The following GPC6 variants were observed in gnomAD, a reference collection of about 807,000 sequenced individuals.
The protein encoded by GPC6 is glypican 6, also known as glypican-6.
GPC6 carries 14 observed loss-of-function variants against 55.2 expected under a neutral mutation model. The observed-to-expected ratio is 0.25, with a 90% CI of 0.17 to 0.40. The LOEUF (loss-of-function observed/expected upper bound fraction) is 0.40. GPC6 is among the 10% of genes least tolerant of loss of function. The pLI is 1.00. For missense variants in GPC6, 641 were observed against 708.5 expected, an observed-to-expected ratio of 0.90 and a Z score of 1.08; for synonymous variants, 278 against 259.6, an observed-to-expected ratio of 1.07 and a Z score of -0.68.
chr13:93,527,402 T>G (rs140053284), intron 1 of GPC6, among the ~76,000 whole-genome samples: 1 of 152,230 alleles, frequency 6.6e-6, no homozygotes, highest in African/African-American at 2.4e-5. Flanking sequence ...TTTAGAGATA[T>G]GGGGTATGTG....
intron 1 of GPC6, among the ~76,000 whole-genome samples, chr13:93,543,620 T>A (rs1012482883): frequency 3.9e-5 from 6 of 152,152 alleles, no homozygotes. Context: ...TCCTTGTACC[T>A]CTGGTAGAAT....
chr13:94,046,396 CCTCACTATTGAACTTGAG>C (rs1883734278), intron 4 of GPC6, among the ~76,000 whole-genome samples: 1 of 152,000 alleles, frequency 6.6e-6, no homozygotes, highest in Non-Finnish European at 1.5e-5. Flanking sequence ...TACAAGAAGA[CCTCACTATTGAACTTGAG>C]CTCACTATTG....
chr13:93,430,554 G>A (rs1413362651), intron 1 of GPC6, among the ~76,000 whole-genome samples: 1 of 152,118 alleles, frequency 6.6e-6, no homozygotes. Context: ...AGATAAGGCA[G>A]ATTGAACAAC....
chr13:93,578,502 C>A (rs2139484932), intron 2 of GPC6, among the ~76,000 whole-genome samples: 1 of 151,948 alleles, frequency 6.6e-6, no homozygotes, highest in Non-Finnish European at 1.5e-5. Flanking sequence ...ATAGTAGTCT[C>A]TAATGATTCT....
intron 3 of GPC6, among the ~76,000 whole-genome samples, chr13:94,011,371 A>G (rs376179249): frequency 6.6e-6 from 1 of 152,198 alleles, no homozygotes; most frequent in Non-Finnish European, 1.5e-5. Flanking sequence ...TGGGGAAACT[A>G]TATTTTATGT....
intron 4 of GPC6, among the ~76,000 whole-genome samples, chr13:94,062,070 T>C (rs1370559343): frequency 1.3e-5 from 2 of 152,164 alleles, no homozygotes; most frequent in African/African-American, 4.8e-5. Flanking sequence ...TGAAATTTAG[T>C]GTCACTCATG....
chr13:94,305,741 A>C (rs1875909007), intron 5 of GPC6, among the ~76,000 whole-genome samples: 1 of 152,252 alleles, frequency 6.6e-6, no homozygotes, highest in African/African-American at 2.4e-5. Context: ...ACCAATAATA[A>C]GATTGACTGT....
intron 3 of GPC6, among the ~76,000 whole-genome samples, chr13:93,887,683 C>A (rs1156833718): frequency 6.6e-6 from 1 of 152,038 alleles, no homozygotes. Flanking sequence ...GAATTAGTGA[C>A]TTCGTGCCAT....
chr13:94,151,396 T>C (rs927093131), intron 4 of GPC6, among the ~76,000 whole-genome samples: 1 of 152,152 alleles, frequency 6.6e-6, no homozygotes, highest in Non-Finnish European at 1.5e-5. Flanking sequence ...CTGTCCCCCT[T>C]GACACTACAC....
At chr13:93,880,999 A>T (rs1874933818) in intron 3 of GPC6, among the ~76,000 whole-genome samples, 1 of 152,102 alleles carries the variant, frequency 6.6e-6, no homozygotes, top group South Asian at 2.1e-4. Flanking sequence ...CTAACCCCGT[A>T]TTCTTTTCAA....
chr13:94,133,380 G>A (rs764332668), intron 4 of GPC6, among the ~76,000 whole-genome samples: 3 of 147,154 alleles, frequency 2.0e-5, no homozygotes, highest in Admixed American at 1.4e-4. Flanking sequence ...ATTATAAAAA[G>A]TACAGCCACA....
In GPC6 at chr13:94,373,588, T is replaced by C. The variant is rs1001883161; in HGVS notation, c.1153-8826T>C. Among the ~76,000 whole-genome samples, 11 of 152,112 alleles carry C rather than the reference T, an allele frequency of 7.2e-5. 1 individual carries two copies. Among genetic ancestry groups the C allele is most frequent in the African/African-American group, 2.2e-4 (9 of 41,440 alleles). ...GTGAAAAGACCAAATCTACGTCTGA[T>C]TGGCGTACCTGAAAGTGATGGGGAG... On this transcript the variant is annotated intron_variant, in intron 6 of 8. Coordinates refer to ENST00000377047, the MANE Select transcript of GPC6 (RefSeq NM_005708.5).
chr13:93,461,777 A>G (rs1878701913), intron 1 of GPC6, among the ~76,000 whole-genome samples: 1 of 152,172 alleles, frequency 6.6e-6, no homozygotes, highest in Non-Finnish European at 1.5e-5. Flanking sequence ...CTCTGATGCA[A>G]TGCTGATTTT....
chr13:93,356,988 A>G (rs906632163), intron 1 of GPC6, among the ~76,000 whole-genome samples: 3 of 152,222 alleles, frequency 2.0e-5, no homozygotes, highest in Non-Finnish European at 2.9e-5. Context: ...GAGGCTTCTG[A>G]GTGCCAACTC....
chr13:93,368,832 C>T (rs911468158), intron 1 of GPC6, among the ~76,000 whole-genome samples: 1 of 152,146 alleles, frequency 6.6e-6, no homozygotes, highest in Non-Finnish European at 1.5e-5. Context: ...CAAATGTCAT[C>T]TGTAGGCATT....
intron 4 of GPC6, among the ~76,000 whole-genome samples, chr13:94,186,520 T>A (rs971976796): frequency 2.6e-5 from 4 of 152,128 alleles, no homozygotes; most frequent in Non-Finnish European, 4.4e-5. Flanking sequence ...ACAAATAACA[T>A]AAGAAGGTTT....
intron 3 of GPC6, among the ~76,000 whole-genome samples, chr13:93,997,972 C>G (rs1170913241): frequency 6.6e-6 from 1 of 152,206 alleles, no homozygotes; most frequent in Non-Finnish European, 1.5e-5. Flanking sequence ...CTTTAACATA[C>G]TTCCTAGCCA....
intron 3 of GPC6, among the ~76,000 whole-genome samples, chr13:93,909,721 A>G (rs1229890479): frequency 6.6e-6 from 1 of 152,152 alleles, no homozygotes; most frequent in African/African-American, 2.4e-5. Flanking sequence ...ATTTTAGGAA[A>G]AAAAAAATCA....
intron 6 of GPC6, among the ~76,000 whole-genome samples, chr13:94,357,762 C>A (rs1878866950): frequency 6.6e-6 from 1 of 152,174 alleles, no homozygotes; most frequent in African/African-American, 2.4e-5. Context: ...CTGGTTTCTG[C>A]TCTTGAAAAT....
Sources: allele counts gnomAD v4.1 joint callset (sites outside exome capture counted in the v4.1 genomes callset), GRCh38; gene constraint gnomAD v4.1.1; transcripts MANE v1.5; gene names NCBI Gene and HGNC (gene_info 2026-07-23, HGNC 2026-07-21).